KSR2: variants seen among roughly 807,000 people sequenced by gnomAD.
The protein encoded by KSR2 is kinase suppressor of ras 2.
KSR2 carries 25 observed loss-of-function variants against 107.8 expected under a neutral mutation model. The observed-to-expected ratio is 0.23, with a 90% confidence interval of 0.17 to 0.32. The LOEUF (loss-of-function observed/expected upper bound fraction) is 0.32. Ranked by LOEUF, KSR2 falls within the 10% of genes least tolerant of loss-of-function variation. KSR2 has a pLI of 1.00. For missense variants in KSR2, 887 were observed against 1,268.9 expected, an observed-to-expected ratio of 0.70 and a Z score of 4.57; for synonymous variants, 480 against 507.0, an observed-to-expected ratio of 0.95 and a Z score of 0.71.
chr12:117,697,736 T>A (rs1193263161), intron 4 of KSR2, among the ~76,000 whole-genome samples: 1 of 129,460 alleles, frequency 7.7e-6, no homozygotes, highest in Non-Finnish European at 1.6e-5. Context: ...CGAGACTCCA[T>A]CTCAAAAAAA....
intron 5 of KSR2, among the ~76,000 whole-genome samples, chr12:117,602,951 A>G (rs904800882): frequency 1.3e-5 from 2 of 152,200 alleles, no homozygotes; most frequent in African/African-American, 4.8e-5. Flanking sequence ...AAGGGATAGA[A>G]TTAGTTCAGT....
chr12:117,547,552 T>C (rs1263674742), intron 9 of KSR2, among the ~76,000 whole-genome samples: 1 of 152,036 alleles, frequency 6.6e-6, no homozygotes, highest in Admixed American at 6.5e-5. Flanking sequence ...GGGTTCAGCT[T>C]GACAAGGATG....
In KSR2 at chr12:117,461,820, A is replaced by T. The variant is rs1220571122; in HGVS notation, c.*5379T>A. 6.6e-6 allele frequency: 1 copy of T among 152,514 alleles called. No homozygotes were observed. 9.4% of individuals were successfully genotyped at this position (152,514 alleles called of 1,614,324 possible). A position where few individuals can be genotyped will look rare whatever the true frequency, so the allele number is the denominator to read the frequency against. On this transcript the variant is annotated 3_prime_UTR_variant, in exon 20 of 20. Transcript: ENST00000339824. ...GAGTGGCCACATGAGTCTGCCTAGG[A>T]ACTTCCCCACATCACAGGCAAAGCC...
intron 1 of KSR2, among the ~76,000 whole-genome samples, chr12:117,927,293 T>C (rs1253882263): frequency 2.0e-5 from 3 of 151,988 alleles, no homozygotes; most frequent in African/African-American, 7.3e-5. Context: ...GGAGAATCAC[T>C]TGAACCTGGG....
At chr12:117,525,400 A>G (rs1875062039) in intron 13 of KSR2, among the ~76,000 whole-genome samples, 181 bp from the exon 14 acceptor site, 1 of 152,146 alleles carries the variant, frequency 6.6e-6, no homozygotes, top group South Asian at 2.1e-4. Flanking sequence ...GAATCATACT[A>G]CAGTGAAGGT....
chr12:117,497,159 T>A (rs550728570), intron 14 of KSR2, among the ~76,000 whole-genome samples: 1 of 152,278 alleles, frequency 6.6e-6, no homozygotes, highest in South Asian at 2.1e-4. Context: ...ATTATAGGCA[T>A]GAGCCACTGT....
At chr12:117,871,446 GGGTGT>G (rs1425493043) in intron 1 of KSR2, among the ~76,000 whole-genome samples, 2 of 152,004 alleles carry the variant, frequency 1.3e-5, no homozygotes, top group African/African-American at 4.8e-5. Flanking sequence ...AAAAATGGCC[GGGTGT>G]GGTGGCGTAC....
intron 1 of KSR2, among the ~76,000 whole-genome samples, chr12:117,950,765 AATAATG>A (rs1233064505): frequency 1.3e-5 from 2 of 148,518 alleles, no homozygotes; most frequent in Non-Finnish European, 3.0e-5. Context: ...TAATAATAAT[AATAATG>A]ATAATAATAA....
chr12:117,560,193 C>T (rs1481379238), intron 7 of KSR2, among the ~76,000 whole-genome samples: 1 of 152,124 alleles, frequency 6.6e-6, no homozygotes, highest in Non-Finnish European at 1.5e-5. Context: ...TCTGCTGAAT[C>T]AGTACTTGGA....
chr12:117,499,938 G>A (rs776059170), intron 14 of KSR2, among the ~76,000 whole-genome samples: 2 of 152,170 alleles, frequency 1.3e-5, no homozygotes, highest in African/African-American at 2.4e-5. Context: ...GTGTAAGGCA[G>A]TCAGCCGGGG....
chr12:117,800,387 C>A (rs7952860), intron 3 of KSR2, among the ~76,000 whole-genome samples: 6,269 of 151,858 alleles, frequency 0.041, 179 homozygotes, highest in East Asian at 0.09. Context: ...TCTGCCCCCC[C>A]CAAAGCCTAA....
intron 5 of KSR2, among the ~76,000 whole-genome samples, chr12:117,637,288 C>T (rs559977331): frequency 9.2e-5 from 14 of 152,314 alleles, no homozygotes; most frequent in Non-Finnish European, 1.6e-4. Context: ...ATCCCCACCT[C>T]GGGGCACATT....
rs796631377 is a variant in KSR2 at position 117,907,354 on chromosome 12, G to A, written c.181-46923C>T. On this transcript the variant is annotated intron_variant, in intron 1 of 19. Transcript: ENST00000339824. The surrounding 1 kb of genome is among the most constrained non-coding windows in gnomAD (Gnocchi z 4.3). The stretch of plus-strand genomic sequence containing the variant: ...CTCTCTTTGAGCCAGGATTTATAAA[G>A]CTCAAGGAAATGAGTCCTCCATCCT... 8.5e-5 allele frequency among the ~76,000 whole-genome samples: 13 copies of A among 152,252 alleles called. No homozygotes were observed. The highest frequency in any genetic ancestry group is 3.1e-4 in the African/African-American group (13 of 41,564).
At chr12:117,878,834 G>T (rs1252806087) in intron 1 of KSR2, among the ~76,000 whole-genome samples, 2 of 152,160 alleles carry the variant, frequency 1.3e-5, no homozygotes, top group African/African-American at 4.8e-5. Context: ...CTGCAGAGAG[G>T]AACTCCTCCC....
chr12:117,678,857 T>C (rs1285178573), intron 4 of KSR2, among the ~76,000 whole-genome samples: 2 of 152,116 alleles, frequency 1.3e-5, no homozygotes, highest in African/African-American at 4.8e-5. Flanking sequence ...AAGTCACTTC[T>C]CCTCTCTGGG....
At chr12:117,818,962 CA>C (rs1891470628) in intron 3 of KSR2, among the ~76,000 whole-genome samples, 2 of 152,098 alleles carry the variant, frequency 1.3e-5, no homozygotes, top group Admixed American at 1.3e-4. Context: ...GGGCAGCCCC[CA>C]AAACACCAGC....
chr12:117,819,101 T>C (rs771911421), intron 3 of KSR2, among the ~76,000 whole-genome samples: 10 of 151,996 alleles, frequency 6.6e-5, no homozygotes, highest in Non-Finnish European at 1.2e-4. Flanking sequence ...ATGAGCTCTA[T>C]GAGATCAGGG....
intron 4 of KSR2, among the ~76,000 whole-genome samples, chr12:117,673,681 CA>C (rs148197993): frequency 0.056 from 8,503 of 152,128 alleles, 327 homozygotes; most frequent in Non-Finnish European, 0.082. Context: ...AAGGCATGGT[CA>C]GGGGGAAAAA....
At chr12:117,471,135 T>C (rs1419951380) in intron 18 of KSR2, 56 bp downstream of exon 18, 10 of 1,599,060 alleles carry the variant, frequency 6.3e-6, no homozygotes, top group Non-Finnish European at 6.8e-6. Flanking sequence ...AGAAGGCCCA[T>C]GACTGTGTCT....
Sources: gnomAD v4.1 joint callset for allele counts (sites outside exome capture counted in the v4.1 genomes callset) on GRCh38, gnomAD v4.1.1 for gene constraint, Gnocchi (gnomAD v3.1) non-coding constraint, MANE v1.5 for transcripts, NCBI Gene and HGNC (gene_info 2026-07-23, HGNC 2026-07-21) for gene names.